Variants in NINJ2 observed in about 807,000 individuals in gnomAD.
NINJ2 encodes the protein ninjurin-2.
A neutral mutation model predicts 11.7 loss-of-function variants in NINJ2; 12 were observed. The ratio of observed to expected loss-of-function variants is 1.02; its 90% confidence interval spans 0.66 to 1.66. NINJ2 has a LOEUF of 1.66. Among genes scored for constraint, NINJ2 ranks in the 40% most tolerant of loss-of-function variants. The pLI is 0.00. For missense variants in NINJ2, 187 were observed against 181.8 expected (o/e 1.03, Z -0.16); for synonymous variants, 93 against 76.8 (o/e 1.21, Z -1.10).
At chr12:620,753 C>T (rs55829986) in intron 1 of NINJ2, among the ~76,000 whole-genome samples, 10,400 of 152,224 alleles carry the variant, frequency 0.068, 478 homozygotes, top group Middle Eastern at 0.12. Context: ...CCTCAGCCTC[C>T]GGAGTAGCTG....
At chr12:617,034 C>T (rs553736054) in intron 1 of NINJ2, among the ~76,000 whole-genome samples, 2 of 152,254 alleles carry the variant, frequency 1.3e-5, no homozygotes, top group African/African-American at 4.8e-5. Flanking sequence ...GGTGAAACCC[C>T]GTCTCTACTA....
chr12:631,285 G>T (rs1222398311), intron 1 of NINJ2, among the ~76,000 whole-genome samples: 1 of 152,224 alleles, frequency 6.6e-6, no homozygotes, highest in South Asian at 2.1e-4. Flanking sequence ...GACCCCTGGG[G>T]TATGTTCCAG....
At chr12:571,198 C>G (rs1394142219) in intron 1 of NINJ2, among the ~76,000 whole-genome samples, 1 of 152,254 alleles carries the variant, frequency 6.6e-6, no homozygotes, top group Non-Finnish European at 1.5e-5. Context: ...TCTGGCCAAC[C>G]AATGACACCT....
intron 1 of NINJ2, among the ~76,000 whole-genome samples, chr12:631,322 T>C (rs1380380666): frequency 6.6e-6 from 1 of 152,218 alleles, no homozygotes; most frequent in East Asian, 1.9e-4. Context: ...GCGAATTTAC[T>C]CACCTGAGAG....
intron 1 of NINJ2, among the ~76,000 whole-genome samples, chr12:602,823 T>C (rs975979965): frequency 6.6e-6 from 1 of 152,152 alleles, no homozygotes; most frequent in Non-Finnish European, 1.5e-5. Flanking sequence ...TGCTGTCTCA[T>C]TGTGGGTTTT....
At chr12:574,619 G>A (rs1222915986) in intron 1 of NINJ2, among the ~76,000 whole-genome samples, 1 of 151,976 alleles carries the variant, frequency 6.6e-6, no homozygotes, top group African/African-American at 2.4e-5. Context: ...CCTTCTACCA[G>A]GGAAGGATGT....
chr12:650,823 C>A (rs1937775673), intron 1 of NINJ2, among the ~76,000 whole-genome samples: 1 of 152,204 alleles, frequency 6.6e-6, no homozygotes, highest in South Asian at 2.1e-4. Context: ...GCCACTCTAT[C>A]CTAACGAGTA....
intron 1 of NINJ2, among the ~76,000 whole-genome samples, chr12:656,535 G>A (rs914141294): frequency 6.6e-6 from 1 of 151,880 alleles, no homozygotes; most frequent in African/African-American, 2.4e-5. Context: ...TGGATCACAA[G>A]TTCAGGAGTT....
intron 1 of NINJ2, among the ~76,000 whole-genome samples, chr12:616,499 C>A (rs372335306): frequency 6.6e-6 from 1 of 152,184 alleles, no homozygotes; most frequent in East Asian, 1.9e-4. Context: ...GGAATCTAGA[C>A]GATCATCTGT....
rs1279785854 is a variant in NINJ2 at position 591,359 on chromosome 12, C to T, written c.34-25181G>A. The T allele has an allele frequency of 2.0e-5, 3 of 152,324 alleles. No homozygotes were observed. Among genetic ancestry groups the T allele is most frequent in the African/African-American group, 7.2e-5 (3 of 41,544 alleles). 9.4% of individuals were successfully genotyped at this position (152,324 alleles called of 1,614,324 possible). A position where few individuals can be genotyped will look rare whatever the true frequency, so the allele number is the denominator to read the frequency against. On this transcript the variant is annotated intron_variant, in intron 1 of 3. Coordinates refer to ENST00000305108, the MANE Select transcript of NINJ2 (RefSeq NM_016533.6). The surrounding 1 kb of genome is among the most constrained non-coding windows in gnomAD (Gnocchi z 5.0). ...CTTCACCTCCTGCTTGCTGAGAGCA[C>T]TTTGGTGGGCAGAAATAGCCCTGTC...
chr12:579,796 C>T (rs534674331), intron 1 of NINJ2, among the ~76,000 whole-genome samples: 4 of 152,342 alleles, frequency 2.6e-5, no homozygotes. Flanking sequence ...CCAAAATCCT[C>T]TTTGGAAAAA....
Position 570,159 on chromosome 12 carries a change from T to TG in NINJ2, c.34-3982dup, listed in dbSNP as rs567811611. Among the ~76,000 whole-genome samples, 1,094 of 152,022 alleles carry TG rather than the reference T, an allele frequency of 7.2e-3. 7 individuals are homozygous for TG. The highest frequency in any genetic ancestry group is 0.012 in the East Asian group (61 of 5,146). On this transcript the variant is annotated intron_variant, in intron 1 of 3. Transcript: ENST00000305108. ...AAGCTGAAATGGAGCCAGCGTGGGG[T>TG]GGGGGGACCCAGAAGGGAGGGGCCT... is the stretch of plus-strand genomic sequence containing the variant.
chr12:608,430 C>A (rs1252702416), intron 1 of NINJ2, among the ~76,000 whole-genome samples: 1 of 152,218 alleles, frequency 6.6e-6, no homozygotes, highest in Non-Finnish European at 1.5e-5. Context: ...TATTTTAATT[C>A]ATCTACTTCT....
At chr12:643,288 G>A in intron 1 of NINJ2, 1 of 291,600 alleles carries the variant, frequency 3.4e-6, no homozygotes. Context: ...CGGCGCGGCT[G>A]TCTGGAGACT....
chr12:608,254 A>G (rs1199767362), intron 1 of NINJ2, among the ~76,000 whole-genome samples: 1 of 152,170 alleles, frequency 6.6e-6, no homozygotes, highest in Admixed American at 6.6e-5. Context: ...TATCCTATTC[A>G]GCAACAACAA....
intron 1 of NINJ2, among the ~76,000 whole-genome samples, chr12:652,642 T>G (rs969704229): frequency 3.9e-5 from 6 of 152,072 alleles, no homozygotes; most frequent in Non-Finnish European, 8.8e-5. Context: ...TATTCTTTTT[T>G]AAAATTAACA....
chr12:649,349 G>A (rs1422444935), intron 1 of NINJ2, among the ~76,000 whole-genome samples: 5 of 151,892 alleles, frequency 3.3e-5, no homozygotes, highest in Non-Finnish European at 5.9e-5. Flanking sequence ...GCCCAGCTGG[G>A]ATGTCACATT....
chr12:661,712 A>G (rs947413863), intron 1 of NINJ2, among the ~76,000 whole-genome samples: 47 of 152,332 alleles, frequency 3.1e-4, no homozygotes, highest in African/African-American at 1.0e-3. Context: ...CTTAACAACC[A>G]AGGATCTTAT....
intron 1 of NINJ2, among the ~76,000 whole-genome samples, chr12:583,397 G>A (rs141629785): frequency 4.6e-4 from 70 of 152,360 alleles, no homozygotes; most frequent in Non-Finnish European, 5.7e-4. Flanking sequence ...TAACGAGCGA[G>A]AGACCTCCAA....
Sources: allele counts gnomAD v4.1 joint callset (sites outside exome capture counted in the v4.1 genomes callset), GRCh38; gene constraint gnomAD v4.1.1; non-coding constraint Gnocchi (gnomAD v3.1); transcripts MANE v1.5; gene names NCBI Gene and HGNC (gene_info 2026-07-23, HGNC 2026-07-21).